The following CCDC73 variants were observed in gnomAD, a reference collection of about 807,000 sequenced individuals.
CCDC73 encodes the protein coiled-coil domain containing 73.
Under a neutral mutation model 116.5 loss-of-function variants are expected in CCDC73, and 95 were observed. The observed-to-expected ratio is 0.82, with a 90% CI of 0.69 to 0.97. The LOEUF is 0.97. CCDC73 is among the 50% of genes least tolerant of loss of function. The pLI, the probability that CCDC73 is intolerant of heterozygous loss-of-function variation, is 0.00. For missense variants in CCDC73, 1,066 were observed against 1,206.8 expected (o/e 0.88, Z 1.73); for synonymous variants, 398 against 401.3 (o/e 0.99, Z 0.10).
intron 13 of CCDC73, 77 bp from the exon 14 acceptor site, chr11:32,635,907 C>T: frequency 1.1e-6 from 1 of 885,100 alleles, no homozygotes; most frequent in East Asian, 3.9e-5. Context: ...ATTTCATTAA[C>T]AAAAGTTTCA....
At chr11:32,683,623 C>A (rs1856168324) in intron 6 of CCDC73, 49 bp from the exon 7 acceptor site, 2 of 1,107,872 alleles carry the variant, frequency 1.8e-6, no homozygotes, top group East Asian at 4.7e-5. Context: ...TAATTATCTA[C>A]ACAAATTCCT....
chr11:32,780,375 A>G (rs11031978), intron 1 of CCDC73, among the ~76,000 whole-genome samples: 15,416 of 152,112 alleles, frequency 0.1, 1,050 homozygotes, highest in Non-Finnish European at 0.15. Context: ...AAAAAGAAAA[A>G]AAATTGTAAA....
chr11:32,728,257 AT>A (rs958799755), intron 2 of CCDC73, among the ~76,000 whole-genome samples: 3 of 152,300 alleles, frequency 2.0e-5, no homozygotes, highest in East Asian at 1.9e-4. Context: ...TCTCAAAAAA[AT>A]AATACTAAAT....
At chr11:32,822,843 A>G in the CCDC73 span, among the ~76,000 whole-genome samples, 3 of 152,176 alleles carry the variant, frequency 2.0e-5, no homozygotes, top group African/African-American at 7.2e-5. Context: ...AAATAAGAAA[A>G]GCATATAATG....
At chr11:32,732,600 T>TG (rs1377481379) in intron 2 of CCDC73, among the ~76,000 whole-genome samples, 1 of 151,854 alleles carries the variant, frequency 6.6e-6, no homozygotes, top group Non-Finnish European at 1.5e-5. Flanking sequence ...CAGAAGAGAG[T>TG]GGGGGCCAAT....
intron 1 of CCDC73, among the ~76,000 whole-genome samples, 192 bp from the exon 2 acceptor site, chr11:32,760,450 C>A (rs1850382479): frequency 6.6e-6 from 1 of 152,288 alleles, no homozygotes; most frequent in Admixed American, 6.5e-5. Context: ...TTCTGTTTCC[C>A]TATGGTTGAA....
intron 14 of CCDC73, among the ~76,000 whole-genome samples, chr11:32,629,504 G>C (rs1855608573): frequency 6.6e-6 from 1 of 151,490 alleles, no homozygotes; most frequent in Middle Eastern, 3.4e-3. Flanking sequence ...GGGTTCAAGC[G>C]TTCTCCTGCC....
Position 32,709,298 on chromosome 11 carries a change from G to GTT in CCDC73, c.208-6356_208-6355dup, listed in dbSNP as rs113368045. Among the ~76,000 whole-genome samples, 12 of 151,788 alleles carry GTT rather than the reference G, an allele frequency of 7.9e-5. No individual in the cohort carries two copies. The South Asian group carries it at 1.9e-3, about 24-fold the overall frequency. On this transcript the variant is annotated intron_variant, in intron 3 of 17. Coordinates refer to ENST00000335185, the MANE Select transcript of CCDC73 (RefSeq NM_001008391.4). ...ATCTTTTTGATATGCTGTTGGATTT[G>GTT]TTTTTTTTGTTTGTTTTTGAGATGG... is the stretch of plus-strand genomic sequence containing the variant.
chr11:32,681,177 G>T (rs1322364583), intron 7 of CCDC73: 1 of 151,922 alleles, frequency 6.6e-6, no homozygotes, highest in Non-Finnish European at 1.5e-5. Context: ...ATACAGAAGA[G>T]AAAAACAATA....
chr11:32,652,111 T>G (rs1466668365), intron 12 of CCDC73, among the ~76,000 whole-genome samples: 1 of 152,158 alleles, frequency 6.6e-6, no homozygotes, highest in Admixed American at 6.5e-5. Flanking sequence ...TGGGCATCAG[T>G]TGATATGTTC....
intron 17 of CCDC73, among the ~76,000 whole-genome samples, chr11:32,610,606 T>A (rs1855411742): frequency 1.3e-5 from 2 of 152,204 alleles, no homozygotes; most frequent in Non-Finnish European, 2.9e-5. Context: ...GCTTTCTATA[T>A]GACAAATAGA....
chr11:32,749,288 G>C (rs1274111107), intron 2 of CCDC73, among the ~76,000 whole-genome samples: 1 of 151,726 alleles, frequency 6.6e-6, no homozygotes, highest in Non-Finnish European at 1.5e-5. Flanking sequence ...TCTTCTGCTT[G>C]ATCAATTCTG....
chr11:32,610,301 G>A (rs559178659), intron 17 of CCDC73, among the ~76,000 whole-genome samples: 8 of 152,282 alleles, frequency 5.3e-5, no homozygotes, highest in Admixed American at 5.2e-4. Context: ...TGTGATTTGG[G>A]TGGGGACAAA....
Position 32,653,250 on chromosome 11 carries a change from C to T in CCDC73, c.835-23G>A, listed in dbSNP as rs755711646. ...ATCCTTTGAAAATACACAAATATATCAATTTAAAAGTTTTAAGATAGGTAT... is the reference window on the plus strand; with the variant it reads ...ATCCTTTGAAAATACACAAATATATTAATTTAAAAGTTTTAAGATAGGTAT... On this transcript the variant is annotated intron_variant, in intron 11 of 17. Transcript: ENST00000335185. 21 of 1,480,268 alleles carry T rather than the reference C, an allele frequency of 1.4e-5. 1 individual carries two copies. The South Asian group carries it at 2.5e-4, about 17-fold the overall frequency. 91.7% of individuals were successfully genotyped at this position (1,480,268 alleles called of 1,614,324 possible).
intron 3 of CCDC73, among the ~76,000 whole-genome samples, chr11:32,714,882 C>G (rs1239355612): frequency 6.6e-6 from 1 of 151,918 alleles, no homozygotes; most frequent in Non-Finnish European, 1.5e-5. Context: ...AAATATAAAT[C>G]TTAGTGTCCA....
Position 32,602,833 on chromosome 11 carries a change from TCCAACG to T in CCDC73, c.3212_3217del (p.Thr1071_Glu1073delinsLys). The stretch of plus-strand genomic sequence containing the variant: ...ACATTATTTTAATCTGTTGTTTTTT[TCCAACG>T]TCTCTTCTGCTTTTCTTTTCTTTGG... On this transcript the variant is annotated inframe_deletion, in exon 18 of 18. Coordinates refer to ENST00000335185, the MANE Select transcript of CCDC73 (RefSeq NM_001008391.4). 1.3e-6 allele frequency: 2 copies of T among 1,599,966 alleles called. No individual in the cohort carries two copies. The highest frequency in any genetic ancestry group is 1.7e-5 in the Admixed American group (1 of 57,318).
chr11:32,755,803 A>G lies in CCDC73; in HGVS notation c.135+4306T>C, dbSNP rs531485124. ...TATATATATATCTCCATATATGTGT[A>G]TATATATATCTCCATATATATGTGT... On this transcript the variant is annotated intron_variant, in intron 2 of 17. Coordinates refer to ENST00000335185, the MANE Select transcript of CCDC73 (RefSeq NM_001008391.4). 6.1e-4 allele frequency among the ~76,000 whole-genome samples: 80 copies of G among 130,150 alleles called. 2 individuals are homozygous for G. The highest frequency in any genetic ancestry group is 1.4e-3 in the African/African-American group (47 of 34,374). The allele number at this position is 130,150 out of a possible 152,430, so 85.4% of individuals were successfully genotyped here.
intron 2 of CCDC73, among the ~76,000 whole-genome samples, chr11:32,736,901 T>A (rs1269294825): frequency 6.6e-6 from 1 of 151,396 alleles, no homozygotes; most frequent in Non-Finnish European, 1.5e-5. Flanking sequence ...CTCAGCAAAC[T>A]ATCATAAGGA....
At chr11:32,736,487 C>T (rs1293017531) in intron 2 of CCDC73, among the ~76,000 whole-genome samples, 2 of 152,042 alleles carry the variant, frequency 1.3e-5, no homozygotes, top group Non-Finnish European at 2.9e-5. Flanking sequence ...GTTAGAACGG[C>T]GATCATCAAA....
Sources: allele counts gnomAD v4.1 joint callset (sites outside exome capture counted in the v4.1 genomes callset), GRCh38; gene constraint gnomAD v4.1.1; transcripts MANE v1.5; gene names NCBI Gene and HGNC (gene_info 2026-07-23, HGNC 2026-07-21).